The following ZHX3 variants were observed in gnomAD, a reference collection of about 807,000 sequenced individuals.
ZHX3 encodes the protein zinc fingers and homeoboxes 3.
Under a neutral mutation model 64.5 loss-of-function variants are expected in ZHX3, and 20 were observed. That is an observed-to-expected ratio of 0.31 (90% CI 0.22 to 0.45). ZHX3 has a LOEUF of 0.45. ZHX3 is among the 20% of genes least tolerant of loss of function. The pLI is 1.00. For missense variants in ZHX3, 1,041 were observed against 1,195.8 expected, an observed-to-expected ratio of 0.87 and a Z score of 1.91; for synonymous variants, 423 against 461.6, an observed-to-expected ratio of 0.92 and a Z score of 1.07.
chr20:41,184,829 T>C lies in ZHX3; in HGVS notation c.*362A>G. ...CCAAAGTTTCTACGTAATGACAGTG[T>C]TGATAATCTGATGTTTTATTTAACA... is the stretch of plus-strand genomic sequence containing the variant. On this transcript the variant is annotated 3_prime_UTR_variant, in exon 4 of 4. Coordinates refer to ENST00000683867, the MANE Select transcript of ZHX3 (RefSeq NM_001384317.1). 7.1e-7 allele frequency: 1 copy of C among 1,403,554 alleles called. No individual in the cohort carries two copies. Among genetic ancestry groups the C allele is most frequent in the Non-Finnish European group, 9.4e-7 (1 of 1,059,794 alleles). The allele number at this position is 1,403,554 out of a possible 1,614,324, so 86.9% of individuals were successfully genotyped here.
At chr20:41,292,013 TAAAAAAAAAA>T (rs61168786) in intron 1 of ZHX3, among the ~76,000 whole-genome samples, 13 of 94,710 alleles carry the variant, frequency 1.4e-4, no homozygotes, top group East Asian at 1.3e-3. Context: ...ACCTCATCTT[TAAAAAAAAAA>T]AAAAAAAAAA....
At chr20:41,229,098 C>G (rs986495899) in intron 2 of ZHX3, among the ~76,000 whole-genome samples, 2 of 152,174 alleles carry the variant, frequency 1.3e-5, no homozygotes, top group Admixed American at 6.5e-5. Context: ...CTCCTGACAA[C>G]TACCATTCTG....
intron 2 of ZHX3, among the ~76,000 whole-genome samples, chr20:41,231,576 T>C (rs1036984012): frequency 1.3e-5 from 2 of 152,248 alleles, no homozygotes; most frequent in Non-Finnish European, 2.9e-5. Context: ...TTTTTGTATG[T>C]GGCTGACTTT....
At chr20:41,211,100 C>G (rs984513609) in intron 2 of ZHX3, among the ~76,000 whole-genome samples, 1 of 151,936 alleles carries the variant, frequency 6.6e-6, no homozygotes, top group Admixed American at 6.6e-5. Context: ...ATATAAAAGA[C>G]CGAAATTAAA....
chr20:41,303,004 C>T (rs751219285), intron 1 of ZHX3, among the ~76,000 whole-genome samples: 44 of 151,608 alleles, frequency 2.9e-4, no homozygotes, highest in Non-Finnish European at 5.9e-4. Context: ...CATAGCCTGA[C>T]GACCATCTCC....
rs1198616351 is a variant in ZHX3 at position 41,204,251 on chromosome 20, T to C, written c.666A>G (p.Glu222=). Residue 222 remains glutamate, a synonymous_variant, in exon 3 of 4, where the codon GAA becomes GAG. Transcript: ENST00000683867. This position sits in a 1 kb window ranked among gnomAD's most constrained non-coding sequence, Gnocchi z 6.6. ...AATGGTCCCCCTCTCTCACCTCCATTTCTCCAGTCGACAGCTTTGGTAAGG... is the reference window on the plus strand; with the variant it reads ...AATGGTCCCCCTCTCTCACCTCCATCTCTCCAGTCGACAGCTTTGGTAAGG... The part of the protein sequence containing the change: ...GEALPKLSTG[E]MEVREGDHSF... 1 of 1,614,028 alleles carries C rather than the reference T, an allele frequency of 6.2e-7. No homozygotes were observed. Among genetic ancestry groups the C allele is most frequent in the Admixed American group, 1.7e-5 (1 of 60,010 alleles).
At chr20:41,262,482 TG>T (rs1201005901) in intron 2 of ZHX3, among the ~76,000 whole-genome samples, 1 of 152,220 alleles carries the variant, frequency 6.6e-6, no homozygotes, top group Non-Finnish European at 1.5e-5. Context: ...AAAGCCCTGC[TG>T]GTACATACAG....
rs1380399619 is a variant in ZHX3 at position 41,185,073 on chromosome 20, C to T, written c.*118G>A. 2.2e-5 allele frequency: 35 copies of T among 1,555,640 alleles called. No individual in the cohort carries two copies. Among genetic ancestry groups the T allele is most frequent in the Non-Finnish European group, 3.0e-5 (35 of 1,148,666 alleles). ...TCTGCGAGGATTCTGGAAGCTCTCC[C>T]AGGTGCCCAGCAGCCGGGCATGGGA... On this transcript the variant is annotated 3_prime_UTR_variant, in exon 4 of 4. Transcript: ENST00000683867. The surrounding 1 kb of genome is among the most constrained non-coding windows in gnomAD (Gnocchi z 5.0).
intron 2 of ZHX3, among the ~76,000 whole-genome samples, chr20:41,260,199 A>G (rs2042487099): frequency 6.6e-6 from 1 of 151,934 alleles, no homozygotes; most frequent in African/African-American, 2.4e-5. Flanking sequence ...AAAAGGCAAT[A>G]AAAGACAGGC....
At chr20:41,206,374 C>T (rs976896798) in intron 2 of ZHX3, among the ~76,000 whole-genome samples, 4 of 152,020 alleles carry the variant, frequency 2.6e-5, no homozygotes, top group African/African-American at 7.2e-5. Flanking sequence ...GGAGGATGCT[C>T]GAAGCCATCA....
At chr20:41,261,134 G>A (rs1437155483) in intron 2 of ZHX3, among the ~76,000 whole-genome samples, 1 of 152,060 alleles carries the variant, frequency 6.6e-6, no homozygotes, top group East Asian at 1.9e-4. Flanking sequence ...AGGATCCCTG[G>A]GACATGACCT....
At chr20:41,189,740 T>G (rs552703576) in intron 3 of ZHX3, among the ~76,000 whole-genome samples, 2 of 152,294 alleles carry the variant, frequency 1.3e-5, no homozygotes, top group Admixed American at 6.5e-5. Flanking sequence ...GTGGAGCATT[T>G]TTGGTTTTTC....
At chr20:41,239,516 C>G (rs1309625105) in intron 2 of ZHX3, 1 of 152,524 alleles carries the variant, frequency 6.6e-6, no homozygotes, top group African/African-American at 2.4e-5. Context: ...GTGGCCTGCA[C>G]AGGTCACATG....
At chr20:41,245,933 A>G (rs2041664346) in intron 2 of ZHX3, among the ~76,000 whole-genome samples, 1 of 152,240 alleles carries the variant, frequency 6.6e-6, no homozygotes, top group South Asian at 2.1e-4. Flanking sequence ...GACAGCTTGC[A>G]ACATTCCATA....
chr20:41,252,933 CGACAG>C (rs954474797), intron 2 of ZHX3, among the ~76,000 whole-genome samples: 4 of 152,114 alleles, frequency 2.6e-5, no homozygotes, highest in Non-Finnish European at 1.5e-5. Context: ...AATTAACAGT[CGACAG>C]GACATTTCAA....
At position 41,203,869 on chromosome 20, in the gene ZHX3, T is replaced by C. The variant is rs1349413771; in HGVS notation, c.1048A>G (p.Ile350Val). 7 of 1,614,098 alleles carry C rather than the reference T, an allele frequency of 4.3e-6. No individual in the cohort carries two copies. Among genetic ancestry groups the C allele is most frequent in the Non-Finnish European group, 5.9e-6 (7 of 1,180,044 alleles). Residue 350 changes from isoleucine (I) to valine (V), a missense_variant, in exon 3 of 4, where the codon ATC (isoleucine) becomes GTC (valine). By Grantham distance (29) the Ile-to-Val change is conservative. This residue lies in a region of ZHX3 where 28 missense variants were observed against 66.7 expected (regional missense o/e 0.42). Coordinates refer to ENST00000683867, the MANE Select transcript of ZHX3 (RefSeq NM_001384317.1). The surrounding 1 kb of genome is among the most constrained non-coding windows in gnomAD (Gnocchi z 7.1). The part of the protein sequence containing the change: ...VTKYPEEQLK[I>V]WFTAQRLKQG... ...TTCAGCCTTTGGGCTGTGAACCAGA[T>C]CTTGAGCTGTTCTTCTGGATACTTG...
intron 2 of ZHX3, among the ~76,000 whole-genome samples, chr20:41,261,470 T>G (rs567947508): frequency 9.9e-5 from 15 of 152,186 alleles, no homozygotes; most frequent in African/African-American, 3.6e-4. Flanking sequence ...CTGACTTAGG[T>G]TGTGTGGGAA....
At chr20:41,196,395 A>ATATATATTATATAACATAAATATATATT (rs2037521780) in intron 3 of ZHX3, among the ~76,000 whole-genome samples, 1 of 52,210 alleles carries the variant, frequency 1.9e-5, no homozygotes, top group Non-Finnish European at 2.8e-5. Flanking sequence ...ATATATATTT[A>ATATATATTATATAACATAAATATATATT]TATATATTAT....
At chr20:41,299,637 G>A (rs1324194348) in intron 1 of ZHX3, among the ~76,000 whole-genome samples, 3 of 152,190 alleles carry the variant, frequency 2.0e-5, no homozygotes, top group Non-Finnish European at 2.9e-5. Context: ...TGAGGCAGGT[G>A]GATCACTTGA....
Sources: allele counts gnomAD v4.1 joint callset (sites outside exome capture counted in the v4.1 genomes callset), GRCh38; gene constraint gnomAD v4.1.1; regional missense constraint gnomAD v4.1.1; non-coding constraint Gnocchi (gnomAD v3.1); transcripts MANE v1.5; gene names NCBI Gene and HGNC (gene_info 2026-07-23, HGNC 2026-07-21).